Variants in RAB11FIP1 observed in about 807,000 individuals in gnomAD.
The protein encoded by RAB11FIP1 is rab11 family-interacting protein 1.
In RAB11FIP1, 49 loss-of-function variants were observed where a neutral mutation model predicts 83.1. That is an observed-to-expected ratio of 0.59 (90% confidence interval 0.47 to 0.75). The LOEUF is 0.75. Ranked by LOEUF, RAB11FIP1 falls within the 30% of genes least tolerant of loss-of-function variation. RAB11FIP1 has a pLI of 0.00. For synonymous variants in RAB11FIP1, 670 were observed against 656.0 expected (o/e 1.02, Z -0.33); for missense variants, 1,536 against 1,598.7 (o/e 0.96, Z 0.67).
intron 2 of RAB11FIP1, among the ~76,000 whole-genome samples, chr8:37,876,338 CA>C (rs1806610032): frequency 6.6e-6 from 1 of 151,516 alleles, no homozygotes; most frequent in Non-Finnish European, 1.5e-5. Flanking sequence ...TCACACCGGT[CA>C]TAAGAGCCCT....
chr8:37,875,150 T>C lies in RAB11FIP1; in HGVS notation c.987A>G (p.Pro329=). The change falls in exon 3 of 6, where the codon CCA becomes CCG. Residue 329 remains proline (P), a synonymous_variant. Transcript: ENST00000330843. ...TATCCTTGATCTCACCCTTGGCTTC[T>C]GGCTGCTCCAGGTAAACATGGTTCC... ...INGNHVYLEQ[P]EAKGEIKDSS... is the part of the protein sequence containing the mutation. The C allele has an allele frequency of 6.2e-7, 1 of 1,614,138 alleles. No homozygotes were observed. Among genetic ancestry groups the C allele is most frequent in the Non-Finnish European group, 8.5e-7 (1 of 1,180,014 alleles).
intron 1 of RAB11FIP1, among the ~76,000 whole-genome samples, chr8:37,880,323 G>A (rs1351787694): frequency 6.6e-6 from 1 of 152,096 alleles, no homozygotes; most frequent in East Asian, 1.9e-4. Flanking sequence ...TTTTGAGACA[G>A]AGTCTCGCTC....
Position 37,872,994 on chromosome 8 carries a change from G to A in RAB11FIP1, c.1808C>T (p.Ala603Val), listed in dbSNP as rs981053773. The A allele has an allele frequency of 3.1e-6, 5 of 1,614,016 alleles. No individual in the cohort carries two copies. In the African/African-American group the frequency reaches 5.3e-5, roughly 17 times the overall value. ...SVFSSLSSPI[A>V]APISTSTPIE... ...TGGAGTGGATGTGGAAATGGGAGCTGCTATGGGAGATGAGAGAGAGGAGAA... is the reference window on the plus strand; with the variant it reads ...TGGAGTGGATGTGGAAATGGGAGCTACTATGGGAGATGAGAGAGAGGAGAA... The change falls in exon 4 of 6, where the codon GCA (alanine) becomes GTA (valine). Residue 603 changes from alanine to valine, a missense_variant. Physicochemically the swap from Ala to Val is moderately conservative, Grantham distance 64. Coordinates refer to ENST00000330843, the MANE Select transcript of RAB11FIP1 (RefSeq NM_001002814.3).
chr8:37,864,143 C>T (rs1043721573), intron 5 of RAB11FIP1, among the ~76,000 whole-genome samples: 2 of 152,222 alleles, frequency 1.3e-5, no homozygotes, highest in African/African-American at 2.4e-5. Context: ...CACCCGTGGC[C>T]GTCTAGGCAC....
At chr8:37,876,982 A>AC (rs1163044768) in intron 2 of RAB11FIP1, 127 bp downstream of exon 2, 17 of 746,448 alleles carry the variant, frequency 2.3e-5, no homozygotes, top group Non-Finnish European at 3.7e-5. Context: ...CATCCCCACC[A>AC]CCATGATTTT....
intron 1 of RAB11FIP1, among the ~76,000 whole-genome samples, chr8:37,878,451 T>A (rs1806664348): frequency 1.3e-5 from 2 of 148,754 alleles, no homozygotes; most frequent in African/African-American, 5.0e-5. Context: ...GGAGAATCAC[T>A]TGAACCCAGG....
At chr8:37,873,356 G>A in intron 3 of RAB11FIP1, 177 bp from the exon 4 acceptor site, 1 of 618,518 alleles carries the variant, frequency 1.6e-6, no homozygotes, top group Non-Finnish European at 2.6e-6. Context: ...TGTAATCCCA[G>A]CACTGTGGGA....
Position 37,872,146 on chromosome 8 carries a change from G to A in RAB11FIP1, c.2656C>T (p.Leu886Phe), listed in dbSNP as rs758027251. Residue 886 changes from leucine to phenylalanine, a missense_variant, in exon 4 of 6, where the codon CTC (leucine) becomes TTC (phenylalanine). Coordinates refer to ENST00000330843, the MANE Select transcript of RAB11FIP1 (RefSeq NM_001002814.3). ...GAPASPADHL[L>F]LPSQEESFSE... is the part of the protein sequence containing the mutation. ...AAACTCTCCTCCTGGGAGGGGAGGA[G>A]GAGGTGATCCGCTGGGGAGGCTGGC... 86 of 1,613,912 alleles carry A rather than the reference G, an allele frequency of 5.3e-5. No homozygotes were observed. The Admixed American group carries it at 1.4e-3, about 27-fold the overall frequency.
chr8:37,869,043 C>T (rs910989684), intron 5 of RAB11FIP1, among the ~76,000 whole-genome samples: 3 of 151,832 alleles, frequency 2.0e-5, no homozygotes, highest in African/African-American at 7.3e-5. Flanking sequence ...GCCTGAGCAA[C>T]ATGATGAAAC....
chr8:37,863,291 C>G (rs1806280844), intron 5 of RAB11FIP1, among the ~76,000 whole-genome samples, 178 bp from the exon 6 acceptor site: 1 of 151,880 alleles, frequency 6.6e-6, no homozygotes, highest in African/African-American at 2.4e-5. Flanking sequence ...TGTCACCCAG[C>G]CTGGAGTGCA....
chr8:37,894,812 C>T (rs1017821238), intron 1 of RAB11FIP1, among the ~76,000 whole-genome samples: 12 of 150,076 alleles, frequency 8.0e-5, no homozygotes, highest in South Asian at 2.1e-4. Context: ...TGCAGTGGTG[C>T]GATCTCAGCT....
chr8:37,869,443 T>G (rs1214802262), intron 5 of RAB11FIP1, among the ~76,000 whole-genome samples: 2 of 151,398 alleles, frequency 1.3e-5, no homozygotes, highest in African/African-American at 2.4e-5. Flanking sequence ...AATACAAAAA[T>G]TAGCCGGGCA....
rs113436160 is a variant in RAB11FIP1 at position 37,872,428 on chromosome 8, C to T, written c.2374G>A (p.Glu792Lys). Reference protein sequence around the residue: ...PSIDSMMRKLEEMGLNLRKDQ... With the variant: ...PSIDSMMRKLKEMGLNLRKDQ... ...TTGCGGAGGTTCAGACCCATCTCTT[C>T]CAGCTTCCGCATCATGGAATCAATG... The change falls in exon 4 of 6, where the codon GAA (glutamate) becomes AAA (lysine). Residue 792 changes from glutamate (E) to lysine (K), a missense_variant. Physicochemically the swap from Glu to Lys is moderately conservative, Grantham distance 56. Coordinates refer to ENST00000330843, the MANE Select transcript of RAB11FIP1 (RefSeq NM_001002814.3). 7 of 1,614,188 alleles carry T rather than the reference C, an allele frequency of 4.3e-6. No homozygotes were observed. In the African/African-American group the frequency reaches 5.3e-5, roughly 12 times the overall value.
intron 3 of RAB11FIP1, among the ~76,000 whole-genome samples, chr8:37,874,017 C>G (rs543261562): frequency 6.6e-6 from 1 of 152,314 alleles, no homozygotes; most frequent in African/African-American, 2.4e-5. Flanking sequence ...AAGGCTTATG[C>G]CGGCTCTTAC....
intron 1 of RAB11FIP1, among the ~76,000 whole-genome samples, chr8:37,894,757 T>C (rs983530012): frequency 6.8e-6 from 1 of 147,438 alleles, no homozygotes; most frequent in African/African-American, 2.5e-5. Context: ...CACACATACA[T>C]ACATATTTTG....
chr8:37,865,065 A>T (rs1806316265), intron 5 of RAB11FIP1, among the ~76,000 whole-genome samples: 1 of 151,802 alleles, frequency 6.6e-6, no homozygotes, highest in South Asian at 2.1e-4. Flanking sequence ...CACCACACCC[A>T]GCCTTACATT....
rs1806640803 is a variant in RAB11FIP1 at position 37,877,416 on chromosome 8, T to C, written c.507A>G (p.Pro169=). The C allele has an allele frequency of 6.2e-7, 1 of 1,614,088 alleles. No individual in the cohort carries two copies. Among genetic ancestry groups the C allele is most frequent in the South Asian group, 1.1e-5 (1 of 91,086 alleles). Residue 169 remains proline (P), a synonymous_variant, in exon 2 of 6, where the codon CCA becomes CCG. Transcript: ENST00000330843. ...TGATCTTGTCCTTCAGCTTTCCAAA[T>C]GGATTCCGAGACTTGTCTTTCATAG... ...DLSMKDKSRN[P]FGKLKDKIKG... is the part of the protein sequence containing the mutation.
At chr8:37,891,300 T>C (rs1162506213) in intron 1 of RAB11FIP1, among the ~76,000 whole-genome samples, 1 of 152,152 alleles carries the variant, frequency 6.6e-6, no homozygotes, top group Non-Finnish European at 1.5e-5. Flanking sequence ...CCCATCACTC[T>C]CTCTATTCAA....
intron 3 of RAB11FIP1, among the ~76,000 whole-genome samples, 196 bp downstream of exon 3, chr8:37,874,319 G>A (rs1806552308): frequency 6.6e-6 from 1 of 152,204 alleles, no homozygotes; most frequent in Non-Finnish European, 1.5e-5. Context: ...TCTGAGCTGG[G>A]AAACATCACT....
Sources: allele counts gnomAD v4.1 joint callset (sites outside exome capture counted in the v4.1 genomes callset), GRCh38; gene constraint gnomAD v4.1.1; transcripts MANE v1.5; gene names NCBI Gene and HGNC (gene_info 2026-07-23, HGNC 2026-07-21).